The following CMKLR1 variants were observed in gnomAD, a reference collection of about 807,000 sequenced individuals.
The protein encoded by CMKLR1 is chemerin-like receptor 1.
A neutral mutation model predicts 8.2 loss-of-function variants in CMKLR1; 6 were observed. The observed-to-expected ratio is 0.73, with a 90% CI of 0.40 to 1.44. The LOEUF is 1.44. Ranked by LOEUF, CMKLR1 falls within the 40% of genes most tolerant of loss-of-function variation. CMKLR1 has a pLI of 0.02. For synonymous variants in CMKLR1, 178 were observed against 181.2 expected, an observed-to-expected ratio of 0.98 and a Z score of 0.14; for missense variants, 429 against 478.0, an observed-to-expected ratio of 0.90 and a Z score of 0.96.
Position 108,303,474 on chromosome 12 carries a change from A to C in CMKLR1, c.-73-9810T>G, listed in dbSNP as rs1017535638. On this transcript the variant is annotated intron_variant, in intron 2 of 3. Transcript: ENST00000550402. ...GCCACTGTTGTAAGCACTGCTACTA[A>C]TGAGAAAACAGGCACAGAGAAGGTA... Among the ~76,000 whole-genome samples, 61 of 152,238 alleles carry C rather than the reference A, an allele frequency of 4.0e-4. 1 individual carries two copies. Among genetic ancestry groups the C allele is most frequent in the Admixed American group, 2.2e-3 (34 of 15,286 alleles).
intron 2 of CMKLR1, among the ~76,000 whole-genome samples, chr12:108,297,209 C>A (rs535747792): frequency 6.6e-6 from 1 of 152,150 alleles, no homozygotes; most frequent in Non-Finnish European, 1.5e-5. Context: ...AGGATGAAGA[C>A]CTTTGTGGTG....
At chr12:108,337,615 T>A (rs1892258010) in intron 1 of CMKLR1, among the ~76,000 whole-genome samples, 1 of 151,980 alleles carries the variant, frequency 6.6e-6, no homozygotes, top group Non-Finnish European at 1.5e-5. Flanking sequence ...CCTGACCCAG[T>A]GCGGGTAGGG....
At chr12:108,330,984 A>G (rs985905140) in intron 1 of CMKLR1, among the ~76,000 whole-genome samples, 14 of 151,958 alleles carry the variant, frequency 9.2e-5, no homozygotes, top group Admixed American at 8.5e-4. Context: ...TCAAAAATGA[A>G]CCTCCTCTCT....
intron 2 of CMKLR1, among the ~76,000 whole-genome samples, chr12:108,328,161 G>T (rs1203088719): frequency 1.3e-5 from 2 of 152,206 alleles, no homozygotes; most frequent in African/African-American, 4.8e-5. Flanking sequence ...TCCCCCGGGA[G>T]AAGTGAGGCC....
chr12:108,301,642 C>G (rs1377198842), intron 2 of CMKLR1, among the ~76,000 whole-genome samples: 1 of 152,204 alleles, frequency 6.6e-6, no homozygotes, highest in Non-Finnish European at 1.5e-5. Flanking sequence ...GGAGCCAAGC[C>G]CATTAGAAAT....
In CMKLR1 at chr12:108,338,537, G is replaced by A. The variant is rs79253647; in HGVS notation, c.-287+490C>T. On this transcript the variant is annotated intron_variant, in intron 1 of 3. Coordinates refer to ENST00000550402, the MANE Select transcript of CMKLR1 (RefSeq NM_001142343.2). ...GGTCAAGCTGCCACGGCCTTCCAGG[G>A]TGCAGTGTGACCAAAAGCTCAGAAG... 2.8e-3 allele frequency among the ~76,000 whole-genome samples: 431 copies of A among 152,268 alleles called. 3 individuals are homozygous for A. Among genetic ancestry groups the A allele is most frequent in the African/African-American group, 9.9e-3 (410 of 41,540 alleles).
chr12:108,336,312 C>A (rs111747696), intron 1 of CMKLR1, among the ~76,000 whole-genome samples: 106 of 152,170 alleles, frequency 7.0e-4, no homozygotes, highest in African/African-American at 2.4e-3. Flanking sequence ...TTTTGGAGGC[C>A]GAGGTGGGTG....
intron 2 of CMKLR1, among the ~76,000 whole-genome samples, chr12:108,323,095 G>A (rs1478428509): frequency 2.6e-5 from 4 of 152,124 alleles, no homozygotes; most frequent in Non-Finnish European, 4.4e-5. Flanking sequence ...TTCACGCCTT[G>A]GGATTTCATG....
chr12:108,298,973 G>A (rs143866786), intron 2 of CMKLR1, among the ~76,000 whole-genome samples: 316 of 152,378 alleles, frequency 2.1e-3, no homozygotes, highest in African/African-American at 7.1e-3. Flanking sequence ...GGCGGCAGGA[G>A]ACCTGCTGTG....
intron 2 of CMKLR1, among the ~76,000 whole-genome samples, chr12:108,315,446 A>G (rs1891696458): frequency 6.6e-6 from 1 of 152,112 alleles, no homozygotes; most frequent in African/African-American, 2.4e-5. Flanking sequence ...TAAATCCTAC[A>G]GTTTCCCTAC....
intron 2 of CMKLR1, among the ~76,000 whole-genome samples, chr12:108,305,001 C>T (rs555445913): frequency 2.6e-5 from 4 of 152,342 alleles, no homozygotes; most frequent in Admixed American, 6.5e-5. Flanking sequence ...CTTCTCCCCA[C>T]ATGACCCACC....
chr12:108,304,509 T>C (rs1002982952), intron 2 of CMKLR1, among the ~76,000 whole-genome samples: 1 of 152,182 alleles, frequency 6.6e-6, no homozygotes, highest in African/African-American at 2.4e-5. Flanking sequence ...CTTTGTCTCT[T>C]TCCCTGCTTC....
At chr12:108,311,152 A>G (rs1275965364) in intron 2 of CMKLR1, among the ~76,000 whole-genome samples, 2 of 152,304 alleles carry the variant, frequency 1.3e-5, no homozygotes, top group East Asian at 3.9e-4. Flanking sequence ...TGTCGTGATG[A>G]CGATGGAGAA....
intron 2 of CMKLR1, chr12:108,320,396 C>T (rs1418252968): frequency 6.6e-6 from 1 of 152,142 alleles, no homozygotes; most frequent in Non-Finnish European, 1.5e-5. Context: ...GGTGCTTTCT[C>T]CTGAGTGCCA....
At chr12:108,332,261 C>T (rs767718397) in intron 1 of CMKLR1, among the ~76,000 whole-genome samples, 2 of 152,158 alleles carry the variant, frequency 1.3e-5, no homozygotes, top group Non-Finnish European at 2.9e-5. Flanking sequence ...CCGGGCTCAC[C>T]GCAAAAACAT....
intron 2 of CMKLR1, among the ~76,000 whole-genome samples, chr12:108,304,730 C>T (rs1368492571): frequency 6.6e-6 from 1 of 152,214 alleles, no homozygotes; most frequent in Non-Finnish European, 1.5e-5. Flanking sequence ...CACGGGTCAG[C>T]CCTCCCCCTC....
intron 2 of CMKLR1, among the ~76,000 whole-genome samples, chr12:108,306,938 G>C (rs117634195): frequency 6.6e-6 from 1 of 152,276 alleles, no homozygotes; most frequent in East Asian, 1.9e-4. Context: ...TTCCAGGCCA[G>C]GAAGCCCCTG....
intron 2 of CMKLR1, among the ~76,000 whole-genome samples, chr12:108,312,687 G>C (rs1457520989): frequency 2.0e-5 from 3 of 152,218 alleles, no homozygotes; most frequent in African/African-American, 7.2e-5. Context: ...AATCTGCACT[G>C]CCTGACTCTG....
intron 3 of CMKLR1, 58 bp downstream of exon 3, chr12:108,293,531 C>T: frequency 6.5e-7 from 1 of 1,545,320 alleles, no homozygotes; most frequent in Non-Finnish European, 8.8e-7. Flanking sequence ...CCCCTGTGCA[C>T]CCAATCTGTC....
Sources: allele counts gnomAD v4.1 joint callset (sites outside exome capture counted in the v4.1 genomes callset), GRCh38; gene constraint gnomAD v4.1.1; transcripts MANE v1.5; gene names NCBI Gene and HGNC (gene_info 2026-07-23, HGNC 2026-07-21).